Variants in ATF7IP observed in about 807,000 individuals in gnomAD.
ATF7IP encodes the protein activating transcription factor 7 interacting protein.
A neutral mutation model predicts 106.4 loss-of-function variants in ATF7IP; 23 were observed. The ratio of observed to expected loss-of-function variants is 0.22; its 90% CI spans 0.16 to 0.31. The LOEUF is 0.31. Ranked by LOEUF, ATF7IP falls within the 10% of genes least tolerant of loss-of-function variation. The probability of loss-of-function intolerance (pLI) is 1.00; values close to 1 mark genes in which losing one functional copy is unlikely to be tolerated. For synonymous variants in ATF7IP, 542 were observed against 539.0 expected, an observed-to-expected ratio of 1.01 and a Z score of -0.08; for missense variants, 1,334 against 1,524.3, an observed-to-expected ratio of 0.88 and a Z score of 2.08.
chr12:14,385,335 T>C, intron 1 of ATF7IP: 1 of 1,515,752 alleles, frequency 6.6e-7, no homozygotes, highest in Non-Finnish European at 8.8e-7. Flanking sequence ...GCTAACCTAG[T>C]CTTTGTAGCT....
intron 6 of ATF7IP, among the ~76,000 whole-genome samples, chr12:14,454,768 A>G (rs985062492): frequency 7.2e-5 from 11 of 152,172 alleles, no homozygotes; most frequent in African/African-American, 2.7e-4. Flanking sequence ...ACAGTTTTCA[A>G]AAATCCTCCA....
chr12:14,488,818 A>C (rs781212917), intron 13 of ATF7IP, among the ~76,000 whole-genome samples: 3 of 150,928 alleles, frequency 2.0e-5, no homozygotes, highest in Non-Finnish European at 2.9e-5. Context: ...TAAAGTTAAC[A>C]ATACTTAAAT....
chr12:14,457,481 T>G (rs1156920531), intron 8 of ATF7IP, among the ~76,000 whole-genome samples, 186 bp downstream of exon 8: 1 of 152,132 alleles, frequency 6.6e-6, no homozygotes, highest in Non-Finnish European at 1.5e-5. Context: ...TCTCAGCTAC[T>G]TAGGAGGCTG....
chr12:14,423,931 G>C lies in ATF7IP; in HGVS notation c.16G>C (p.Glu6Gln). ...AAGATTCAGAATGGACAGTTTAGAA[G>C]AACCTCAGAAAAAAGTCTTTAAGGC... MDSLE[E>Q]PQKKVFKARK... Residue 6 changes from glutamate to glutamine, a missense_variant, in exon 2 of 15, where the codon GAA (glutamate) becomes CAA (glutamine). Physicochemically the swap from Glu to Gln is conservative, Grantham distance 29. This residue lies in a region of ATF7IP where 74 missense variants were observed against 101.9 expected (regional missense o/e 0.73). Coordinates refer to ENST00000261168, the MANE Select transcript of ATF7IP (RefSeq NM_018179.5). The C allele has an allele frequency of 6.2e-7, 1 of 1,602,960 alleles. No homozygotes were observed. The highest frequency in any genetic ancestry group is 8.5e-7 in the Non-Finnish European group (1 of 1,176,182).
In ATF7IP at chr12:14,424,592, C is replaced by T; in HGVS notation, c.677C>T (p.Ala226Val). 1 of 1,614,166 alleles carries T rather than the reference C, an allele frequency of 6.2e-7. No individual in the cohort carries two copies. The highest frequency in any genetic ancestry group is 1.3e-5 in the African/African-American group (1 of 75,020). ...PVEPISGDCA[A>V]DDIASSEITS... ...GAACCCATTTCTGGTGATTGTGCCGCTGATGATATAGCCTCTAGTGAAATA... is the reference window on the plus strand; with the variant it reads ...GAACCCATTTCTGGTGATTGTGCCGTTGATGATATAGCCTCTAGTGAAATA... Residue 226 changes from alanine to valine, a missense_variant, in exon 2 of 15, where the codon GCT (alanine) becomes GTT (valine). Around this residue, in one of 10 missense-constraint regions of ATF7IP, gnomAD observed 438 missense variants for 405.3 expected, o/e 1.08. Transcript: ENST00000261168.
chr12:14,402,476 A>G (rs1409481327), intron 1 of ATF7IP, among the ~76,000 whole-genome samples: 1 of 151,648 alleles, frequency 6.6e-6, no homozygotes, highest in Non-Finnish European at 1.5e-5. Context: ...CACCTCCCTG[A>G]CAATACTTCT....
rs890090355 is a variant in ATF7IP at position 14,500,804 on chromosome 12, C to T, written c.*2731C>T. On this transcript the variant is annotated 3_prime_UTR_variant, in exon 15 of 15. Coordinates refer to ENST00000261168, the MANE Select transcript of ATF7IP (RefSeq NM_018179.5). ...GTAGAATAAAAAAAAAATTCATTAG[C>T]CTAGCCTATATTATGTTTTCTGTCA... 6.6e-6 allele frequency: 1 copy of T among 152,030 alleles called. No individual in the cohort carries two copies. Among genetic ancestry groups the T allele is most frequent in the African/African-American group, 2.4e-5 (1 of 41,388 alleles). The allele number at this position is 152,030 out of a possible 1,614,324, so 9.4% of individuals were successfully genotyped here.
chr12:14,429,481 C>T (rs1328735870), intron 2 of ATF7IP, among the ~76,000 whole-genome samples: 2 of 151,972 alleles, frequency 1.3e-5, no homozygotes, highest in African/African-American at 4.8e-5. Flanking sequence ...TTGCATTAAA[C>T]ACTGACATAG....
chr12:14,413,723 C>T (rs1372631046), intron 1 of ATF7IP, among the ~76,000 whole-genome samples: 2 of 151,770 alleles, frequency 1.3e-5, no homozygotes, highest in Non-Finnish European at 2.9e-5. Context: ...TATATTATTC[C>T]TCGATAAGCA....
chr12:14,467,107 C>T (rs1346288900), intron 10 of ATF7IP, among the ~76,000 whole-genome samples: 8 of 151,998 alleles, frequency 5.3e-5, no homozygotes, highest in Admixed American at 2.0e-4. Context: ...CTTAACCACC[C>T]GGTAATAGAA....
intron 1 of ATF7IP, among the ~76,000 whole-genome samples, chr12:14,384,893 G>C (rs1591767007): frequency 6.9e-6 from 1 of 145,758 alleles, no homozygotes; most frequent in Non-Finnish European, 1.5e-5. Flanking sequence ...AAAAGGCCTT[G>C]AGCAAGGTTT....
chr12:14,441,691 A>C (rs1366135101), intron 5 of ATF7IP, among the ~76,000 whole-genome samples: 1 of 151,926 alleles, frequency 6.6e-6, no homozygotes, highest in African/African-American at 2.4e-5. Context: ...GGGTTTCACC[A>C]TGTTAGCCAG....
chr12:14,367,541 A>T (rs1467472732), intron 1 of ATF7IP: 3 of 152,096 alleles, frequency 2.0e-5, no homozygotes, highest in Admixed American at 6.6e-5. Context: ...CGAGTTGAAC[A>T]TACACATAAA....
At chr12:14,480,653 A>G (rs76403732) in intron 12 of ATF7IP, among the ~76,000 whole-genome samples, 6,531 of 152,310 alleles carry the variant, frequency 0.043, 498 homozygotes, top group African/African-American at 0.15. Context: ...TTTGCTAAGA[A>G]CAATTAAAAT....
intron 2 of ATF7IP, among the ~76,000 whole-genome samples, chr12:14,429,130 GC>G (rs1243808128): frequency 1.4e-4 from 21 of 152,018 alleles, no homozygotes; most frequent in Non-Finnish European, 2.9e-4. Context: ...CTTCTGTTAG[GC>G]CTTCCACTTA....
At chr12:14,470,685 A>G (rs958381425) in intron 10 of ATF7IP, among the ~76,000 whole-genome samples, 1 of 152,222 alleles carries the variant, frequency 6.6e-6, no homozygotes, top group African/African-American at 2.4e-5. Flanking sequence ...GGAAGAGTAA[A>G]TGTGTTAATG....
chr12:14,430,880 C>T (rs1337511669), intron 2 of ATF7IP, among the ~76,000 whole-genome samples: 2 of 152,152 alleles, frequency 1.3e-5, no homozygotes, highest in Non-Finnish European at 2.9e-5. Flanking sequence ...TTGCTGATTC[C>T]TGCAACAAGG....
rs1184187684 is a variant in ATF7IP, at chr12:14,475,908, A to G, written c.2881A>G (p.Ser961Gly). The change falls in exon 11 of 15, where the codon AGT (serine) becomes GGT (glycine). Residue 961 changes from serine to glycine, a missense_variant. By Grantham distance (56) the Ser-to-Gly change is moderately conservative (BLOSUM62 0). Coordinates refer to ENST00000261168, the MANE Select transcript of ATF7IP (RefSeq NM_018179.5). ...TTTTCAGTGTGGAAAAGCCACTGGC[A>G]GTGATTCAAGTGGTGTCATTGATCT... ...STSQCGKATG[S>G]DSSGVIDLTM... is the part of the protein sequence containing the mutation. 6.2e-7 allele frequency: 1 copy of G among 1,613,078 alleles called. No individual in the cohort carries two copies. Among genetic ancestry groups the G allele is most frequent in the East Asian group, 2.2e-5 (1 of 44,828 alleles).
intron 5 of ATF7IP, among the ~76,000 whole-genome samples, chr12:14,446,737 G>A (rs907308858): frequency 5.3e-5 from 8 of 152,132 alleles, no homozygotes; most frequent in Non-Finnish European, 7.4e-5. Flanking sequence ...TCAAAAGTTC[G>A]AGGAAGAAAT....
Sources: allele counts gnomAD v4.1 joint callset (sites outside exome capture counted in the v4.1 genomes callset), GRCh38; gene constraint gnomAD v4.1.1; regional missense constraint gnomAD v4.1.1; transcripts MANE v1.5; gene names NCBI Gene and HGNC (gene_info 2026-07-23, HGNC 2026-07-21).